Variants in LIMCH1 observed in about 807,000 individuals in gnomAD.
The protein encoded by LIMCH1 is LIM and calponin homology domains 1.
LIMCH1 carries 113 observed loss-of-function variants against 176.5 expected under a neutral mutation model. The observed-to-expected ratio is 0.64, with a 90% confidence interval of 0.55 to 0.75. The LOEUF (loss-of-function observed/expected upper bound fraction) is 0.75. Ranked by LOEUF, LIMCH1 falls within the 30% of genes least tolerant of loss-of-function variation. The pLI is 0.00. For missense variants in LIMCH1, 1,674 were observed against 1,814.9 expected (o/e 0.92, Z 1.41); for synonymous variants, 619 against 645.9 (o/e 0.96, Z 0.63).
At chr4:41,690,698 T>A (rs1377911512) in intron 30 of LIMCH1, among the ~76,000 whole-genome samples, 14 of 152,166 alleles carry the variant, frequency 9.2e-5, no homozygotes, top group Non-Finnish European at 1.5e-5. Context: ...AGTGAAGTTG[T>A]CCCCAAATTA....
At chr4:41,577,997 T>C (rs2084780477) in intron 1 of LIMCH1, among the ~76,000 whole-genome samples, 1 of 152,198 alleles carries the variant, frequency 6.6e-6, no homozygotes, top group South Asian at 2.1e-4. Flanking sequence ...TTTGTATTTC[T>C]TTAGGATAGA....
Position 41,685,769 on chromosome 4 carries a change from A to G in LIMCH1, c.4027A>G (p.Lys1343Glu), listed in dbSNP as rs1194882284. Reference protein sequence around the residue: ...PTHSSEDVKPKTLPLDKSINH... With the variant: ...PTHSSEDVKPETLPLDKSINH... The stretch of plus-strand genomic sequence containing the variant: ...GCACAGTTCAGAAGATGTGAAGCCA[A>G]AAACCCTCCCGCTGGATAAAAGCAT... Residue 1343 changes from lysine to glutamate, a missense_variant, in exon 28 of 32, where the codon AAA becomes GAA. Coordinates refer to ENST00000503057, the MANE Select transcript of LIMCH1 (RefSeq NM_001330672.2). The G allele has an allele frequency of 6.2e-7, 1 of 1,613,606 alleles. No individual in the cohort carries two copies. Among genetic ancestry groups the G allele is most frequent in the Non-Finnish European group, 8.5e-7 (1 of 1,179,726 alleles).
chr4:41,684,547 A>G lies in LIMCH1; in HGVS notation c.3967+29A>G, dbSNP rs749793778. ...AGAATGGAGAAGACCAGTTTCATTC[A>G]ATGTTTAAATTGTTGTAAGACCCCC... On this transcript the variant is annotated intron_variant, in intron 27 of 31. Coordinates refer to ENST00000503057, the MANE Select transcript of LIMCH1 (RefSeq NM_001330672.2). 19 of 1,609,296 alleles carry G rather than the reference A, an allele frequency of 1.2e-5. No homozygotes were observed. The East Asian group carries it at 4.2e-4, about 36-fold the overall frequency.
At chr4:41,457,418 G>T (rs2064751620) in intron 1 of LIMCH1, among the ~76,000 whole-genome samples, 1 of 152,124 alleles carries the variant, frequency 6.6e-6, no homozygotes, top group Non-Finnish European at 1.5e-5. Context: ...GGCTTGAGAG[G>T]TGATGTGATA....
chr4:41,685,675 T>G (rs768579144), intron 27 of LIMCH1, 35 bp from the exon 28 acceptor site: 1 of 1,611,050 alleles, frequency 6.2e-7, no homozygotes, highest in Non-Finnish European at 8.5e-7. Flanking sequence ...GTGATTTTAC[T>G]GTGCACTACA....
intron 19 of LIMCH1, 102 bp downstream of exon 19, chr4:41,661,612 T>TA: frequency 2.4e-6 from 2 of 828,752 alleles, no homozygotes; most frequent in Non-Finnish European, 4.0e-6. Context: ...AGGAAAGTAG[T>TA]AATTAGACTC....
intron 3 of LIMCH1, among the ~76,000 whole-genome samples, chr4:41,531,515 C>CACACACACACAT (rs763489174): frequency 9.0e-4 from 95 of 105,878 alleles, no homozygotes; most frequent in African/African-American, 3.5e-3. Context: ...CACACACACA[C>CACACACACACAT]ATACACACCT....
intron 1 of LIMCH1, among the ~76,000 whole-genome samples, chr4:41,402,943 T>A (rs1339203762): frequency 6.6e-6 from 1 of 150,946 alleles, no homozygotes; most frequent in Non-Finnish European, 1.5e-5. Flanking sequence ...AACCTGCACA[T>A]TGTGCACATG....
intron 21 of LIMCH1, among the ~76,000 whole-genome samples, chr4:41,667,799 C>G (rs2094880539): frequency 6.6e-6 from 1 of 152,032 alleles, no homozygotes; most frequent in Non-Finnish European, 1.5e-5. Flanking sequence ...TTCAAAACAA[C>G]TAGACCGCTG....
chr4:41,680,736 C>T (rs952271738), intron 24 of LIMCH1, among the ~76,000 whole-genome samples: 1 of 152,126 alleles, frequency 6.6e-6, no homozygotes, highest in African/African-American at 2.4e-5. Flanking sequence ...AATTAATTTG[C>T]AGAGTCTTTG....
At chr4:41,616,673 T>G (rs1356284492) in intron 5 of LIMCH1, among the ~76,000 whole-genome samples, 1 of 152,172 alleles carries the variant, frequency 6.6e-6, no homozygotes, top group Non-Finnish European at 1.5e-5. Flanking sequence ...ACTTTTGAGG[T>G]GTCAGCCTCA....
At chr4:41,452,374 A>G (rs911879531) in intron 1 of LIMCH1, among the ~76,000 whole-genome samples, 10 of 152,254 alleles carry the variant, frequency 6.6e-5, no homozygotes, top group Admixed American at 2.6e-4. Flanking sequence ...TTCCCTGCCA[A>G]TGGCCCCTAG....
At chr4:41,577,861 A>G (rs979475688) in intron 1 of LIMCH1, among the ~76,000 whole-genome samples, 3 of 152,232 alleles carry the variant, frequency 2.0e-5, no homozygotes, top group African/African-American at 7.2e-5. Flanking sequence ...ATAATTTCCA[A>G]CATAAGTGTA....
intron 14 of LIMCH1, among the ~76,000 whole-genome samples, chr4:41,641,091 G>A (rs556082474): frequency 1.3e-5 from 2 of 152,182 alleles, no homozygotes; most frequent in South Asian, 2.1e-4. Context: ...ATTCCATCCC[G>A]GCCCTCAAAA....
intron 2 of LIMCH1, among the ~76,000 whole-genome samples, chr4:41,516,482 G>A (rs2075596394): frequency 1.3e-5 from 2 of 152,168 alleles, no homozygotes; most frequent in South Asian, 4.1e-4. Flanking sequence ...TCAGACATGT[G>A]CCTTCACCTC....
chr4:41,596,048 C>CAAAA (rs1452167402), intron 1 of LIMCH1, among the ~76,000 whole-genome samples: 3 of 100,702 alleles, frequency 3.0e-5, no homozygotes, highest in Admixed American at 1.8e-4. Context: ...GACTCCATCT[C>CAAAA]AAAAAAAAAA....
intron 1 of LIMCH1, among the ~76,000 whole-genome samples, chr4:41,467,158 T>TATAC (rs1157542568): frequency 3.0e-4 from 43 of 143,550 alleles, no homozygotes; most frequent in East Asian, 1.0e-3. Flanking sequence ...TATGTATATA[T>TATAC]ACACACACAC....
upstream of LIMCH1, among the ~76,000 whole-genome samples, chr4:41,534,082 T>C (rs1561660524): frequency 6.6e-6 from 1 of 152,230 alleles, no homozygotes; most frequent in East Asian, 1.9e-4. Flanking sequence ...TCCAGATAAC[T>C]GAGGTGGCCG....
intron 1 of LIMCH1, among the ~76,000 whole-genome samples, chr4:41,597,276 C>T (rs1448101810): frequency 6.6e-6 from 1 of 152,080 alleles, no homozygotes; most frequent in East Asian, 1.9e-4. Flanking sequence ...CTTAATTGTT[C>T]TGTGCCTTAG....
Sources: gnomAD v4.1 joint callset for allele counts (sites outside exome capture counted in the v4.1 genomes callset) on GRCh38, gnomAD v4.1.1 for gene constraint, MANE v1.5 for transcripts, NCBI Gene and HGNC (gene_info 2026-07-23, HGNC 2026-07-21) for gene names.